BCAS3: variants seen among roughly 807,000 people sequenced by gnomAD.
The protein encoded by BCAS3 is BCAS4/BCAS3 fusion.
Under a neutral mutation model 116.1 loss-of-function variants are expected in BCAS3, and 53 were observed. That is an observed-to-expected ratio of 0.46 (90% CI 0.37 to 0.57). The LOEUF (loss-of-function observed/expected upper bound fraction) is 0.57. Among genes scored for constraint, BCAS3 ranks in the 20% least tolerant of loss-of-function variants. The pLI, the probability that BCAS3 is intolerant of heterozygous loss-of-function variation, is 0.00. For missense variants in BCAS3, 917 were observed against 1,165.4 expected (o/e 0.79, Z 3.10); for synonymous variants, 391 against 408.2 (o/e 0.96, Z 0.51).
intron 14 of BCAS3, among the ~76,000 whole-genome samples, chr17:60,975,630 A>G (rs2062293013): frequency 6.6e-6 from 1 of 152,206 alleles, no homozygotes; most frequent in Non-Finnish European, 1.5e-5. Flanking sequence ...ATTGATCACT[A>G]CCATTCAATT....
intron 22 of BCAS3, among the ~76,000 whole-genome samples, chr17:61,287,172 C>T (rs1293151298): frequency 2.0e-5 from 3 of 151,190 alleles, no homozygotes; most frequent in East Asian, 2.0e-4. Flanking sequence ...GGCGTGAACC[C>T]GGGAGGCAGA....
chr17:60,908,376 G>T (rs899952275), intron 11 of BCAS3, among the ~76,000 whole-genome samples: 8 of 152,064 alleles, frequency 5.3e-5, no homozygotes, highest in Admixed American at 1.3e-4. Flanking sequence ...GAAATAATAG[G>T]CTCAGGGGCA....
At chr17:60,924,263 C>A (rs1417497700) in intron 12 of BCAS3, 144 bp from the exon 13 acceptor site, 3 of 638,514 alleles carry the variant, frequency 4.7e-6, no homozygotes, top group African/African-American at 1.8e-5. Flanking sequence ...AAGTGGAATT[C>A]TCTCCTTATA....
At chr17:60,932,742 C>CAAA (rs1167994825) in intron 13 of BCAS3, among the ~76,000 whole-genome samples, 131 of 38,146 alleles carry the variant, frequency 3.4e-3, no homozygotes, top group Non-Finnish European at 5.1e-3. Flanking sequence ...ACTCTTGTCT[C>CAAA]AAAAAAAAAA....
intron 19 of BCAS3, among the ~76,000 whole-genome samples, chr17:61,071,280 G>A (rs2071404773): frequency 6.6e-6 from 1 of 152,066 alleles, no homozygotes; most frequent in South Asian, 2.1e-4. Flanking sequence ...TTTTAGAAAT[G>A]GCAATAAGTA....
chr17:60,759,630 C>CTT (rs35135127), intron 6 of BCAS3, among the ~76,000 whole-genome samples: 145 of 25,298 alleles, frequency 5.7e-3, no homozygotes, highest in Admixed American at 7.8e-3. Flanking sequence ...ATAGTGACTT[C>CTT]TTTTTTTTTT....
At chr17:60,832,216 G>A (rs2051000439) in intron 7 of BCAS3, among the ~76,000 whole-genome samples, 1 of 152,144 alleles carries the variant, frequency 6.6e-6, no homozygotes, top group Non-Finnish European at 1.5e-5. Flanking sequence ...TTAGGGGAGG[G>A]TACAGTAGAA....
intron 12 of BCAS3, among the ~76,000 whole-genome samples, chr17:60,919,798 T>G (rs1390419432): frequency 6.6e-6 from 1 of 152,216 alleles, no homozygotes; most frequent in African/African-American, 2.4e-5. Flanking sequence ...TACTGGAATT[T>G]AATCAATATT....
In BCAS3 at chr17:61,104,245, T is replaced by G. The variant is rs889767153; in HGVS notation, c.2425+19681T>G. On this transcript the variant is annotated intron_variant, in intron 22 of 23. Transcript: ENST00000407086. This position sits in a 1 kb window ranked among gnomAD's most constrained non-coding sequence, Gnocchi z 4.1. ...ACCCACAGACTCATGTCAGCAAAGA[T>G]GCTGAGAGTTTTATTCCAGTCTTTT... Among the ~76,000 whole-genome samples, 1 of 152,176 alleles carries G rather than the reference T, an allele frequency of 6.6e-6. No individual in the cohort carries two copies. The highest frequency in any genetic ancestry group is 2.4e-5 in the African/African-American group (1 of 41,432).
Position 61,302,074 on chromosome 17 carries a change from G to A in BCAS3, c.2426-66253G>A, listed in dbSNP as rs1346596061. Among the ~76,000 whole-genome samples, 1 of 152,084 alleles carries A rather than the reference G, an allele frequency of 6.6e-6. No homozygotes were observed. Among genetic ancestry groups the A allele is most frequent in the East Asian group, 1.9e-4 (1 of 5,188 alleles). ...GAGGAAAGGCTAGTTCTGTCAGCTA[G>A]TCCTAAGAAAAAGTTGAGATTCTCT... On this transcript the variant is annotated intron_variant, in intron 22 of 23. Transcript: ENST00000407086. The surrounding 1 kb of genome is among the most constrained non-coding windows in gnomAD (Gnocchi z 4.4).
At position 61,205,956 on chromosome 17, in the gene BCAS3, C is replaced by T. The variant is rs1355568712; in HGVS notation, c.2425+121392C>T. ...ATGTCCCCAAAGCTCTTTCAGTGAT[C>T]TGTACCCATCAGACCAGTAGAATTT... is the stretch of plus-strand genomic sequence containing the variant. On this transcript the variant is annotated intron_variant, in intron 22 of 23. Coordinates refer to ENST00000407086, the MANE Select transcript of BCAS3 (RefSeq NM_017679.5). The surrounding 1 kb of genome is among the most constrained non-coding windows in gnomAD (Gnocchi z 5.2). Among the ~76,000 whole-genome samples, 3 of 152,222 alleles carry T rather than the reference C, an allele frequency of 2.0e-5. No individual in the cohort carries two copies. The highest frequency in any genetic ancestry group is 4.4e-5 in the Non-Finnish European group (3 of 68,038).
intron 6 of BCAS3, among the ~76,000 whole-genome samples, chr17:60,753,555 G>A (rs1262323559): frequency 2.0e-5 from 3 of 151,598 alleles, no homozygotes. Context: ...GACTACAGGC[G>A]CCTGCCACCA....
chr17:60,694,032 C>T (rs1171898359), intron 4 of BCAS3, among the ~76,000 whole-genome samples: 2 of 150,536 alleles, frequency 1.3e-5, no homozygotes, highest in Non-Finnish European at 2.9e-5. Flanking sequence ...ACTACAGGCA[C>T]CTGCCACCAT....
rs8075577 is a variant in BCAS3, at chr17:61,198,145, C to T, written c.2425+113581C>T. On this transcript the variant is annotated intron_variant, in intron 22 of 23. Transcript: ENST00000407086. The surrounding 1 kb of genome is among the most constrained non-coding windows in gnomAD (Gnocchi z 5.0). ...AGTGCAAGATATGTTTTTTTTTTTT[C>T]TTTTTTTTTTTTTGAGACGGAGTCT... 0.016 allele frequency among the ~76,000 whole-genome samples: 1,934 copies of T among 118,150 alleles called. 27 individuals are homozygous for T. The highest frequency in any genetic ancestry group is 0.041 in the African/African-American group (1,355 of 32,732). The allele number at this position is 118,150 out of a possible 152,430, so 77.5% of individuals were successfully genotyped here. A position where few individuals can be genotyped will look rare whatever the true frequency, so the allele number is the denominator to read the frequency against.
rs532674390 is a variant in BCAS3 at position 61,065,058 on chromosome 17, T to G, written c.2030-9862T>G. On this transcript the variant is annotated intron_variant, in intron 19 of 23. Coordinates refer to ENST00000407086, the MANE Select transcript of BCAS3 (RefSeq NM_017679.5). This position sits in a 1 kb window ranked among gnomAD's most constrained non-coding sequence, Gnocchi z 4.8. ...CATTTTCAAGTAGTTATGTGTGTTA[T>G]TTTTAATCTGAAAGGGTTCTCCCTT... Among the ~76,000 whole-genome samples the G allele has an allele frequency of 3.3e-5, 5 of 152,324 alleles. No homozygotes were observed. In the South Asian group the frequency reaches 1.0e-3, roughly 32 times the overall value.
intron 19 of BCAS3, among the ~76,000 whole-genome samples, chr17:61,069,354 A>G (rs1291812913): frequency 6.6e-6 from 1 of 152,214 alleles, no homozygotes; most frequent in Non-Finnish European, 1.5e-5. Flanking sequence ...GAGCCAATGA[A>G]AAGAGCAAAA....
rs762238993 is a variant in BCAS3 at position 61,139,332 on chromosome 17, G to T, written c.2425+54768G>T. ...TTTAAGGAAGTGCGAGAAGGTTAAA[G>T]ATGTCTGTGATCTGGCCAAACGAGG... On this transcript the variant is annotated intron_variant, in intron 22 of 23. Transcript: ENST00000407086. This position sits in a 1 kb window ranked among gnomAD's most constrained non-coding sequence, Gnocchi z 4.7. Among the ~76,000 whole-genome samples, 2 of 152,154 alleles carry T rather than the reference G, an allele frequency of 1.3e-5. No homozygotes were observed. Among genetic ancestry groups the T allele is most frequent in the Non-Finnish European group, 2.9e-5 (2 of 68,034 alleles).
intron 19 of BCAS3, among the ~76,000 whole-genome samples, chr17:61,057,036 G>A (rs754601468): frequency 3.9e-5 from 6 of 152,096 alleles, no homozygotes; most frequent in African/African-American, 1.4e-4. Context: ...AGCTGCTCTC[G>A]ACCATAGGAA....
In BCAS3 at chr17:61,235,380, A is replaced by G. The variant is rs899496272; in HGVS notation, c.2426-132947A>G. ...CAAGTAACCTTCAATGAAAATGTAC[A>G]GTTTTGAGAATTTCGATATTTGACA... is the stretch of plus-strand genomic sequence containing the variant. On this transcript the variant is annotated intron_variant, in intron 22 of 23. Transcript: ENST00000407086. The surrounding 1 kb of genome is among the most constrained non-coding windows in gnomAD (Gnocchi z 5.0). Among the ~76,000 whole-genome samples, 7 of 152,206 alleles carry G rather than the reference A, an allele frequency of 4.6e-5. No homozygotes were observed. The highest frequency in any genetic ancestry group is 4.1e-4 in the South Asian group (2 of 4,836).
Sources: allele counts gnomAD v4.1 joint callset (sites outside exome capture counted in the v4.1 genomes callset), GRCh38; gene constraint gnomAD v4.1.1; non-coding constraint Gnocchi (gnomAD v3.1); transcripts MANE v1.5; gene names NCBI Gene and HGNC (gene_info 2026-07-23, HGNC 2026-07-21).